Variants in ABCA13 observed in about 807,000 individuals in gnomAD.
ABCA13 encodes the protein ATP-binding cassette sub-family A member 13.
In ABCA13, 476 loss-of-function variants were observed where a neutral mutation model predicts 478.7. The ratio of observed to expected loss-of-function variants is 0.99; its 90% CI spans 0.92 to 1.07. The LOEUF is 1.07. Ranked by LOEUF, ABCA13 falls within the 50% of genes least tolerant of loss-of-function variation. The pLI is 0.00. For synonymous variants in ABCA13, 2,252 were observed against 2,158.9 expected, an observed-to-expected ratio of 1.04 and a Z score of -1.20; for missense variants, 6,060 against 5,910.6, an observed-to-expected ratio of 1.03 and a Z score of -0.83.
At position 48,279,238 on chromosome 7, in the gene ABCA13, G is replaced by T. The variant is rs1451575201; in HGVS notation, c.8044G>T (p.Val2682Phe). 6.3e-7 allele frequency: 1 copy of T among 1,589,338 alleles called. No individual in the cohort carries two copies. ...ACGGGAAGAAATTCTGGGTTGCTTAGTTCCTATAAATAACATCACCAACCA... is the reference window on the plus strand; with the variant it reads ...ACGGGAAGAAATTCTGGGTTGCTTATTTCCTATAAATAACATCACCAACCA... ...NLREEILGCL[V>F]PINNITNQMD... Residue 2682 changes from valine to phenylalanine, a missense_variant, in exon 18 of 62, where the codon GTT becomes TTT. Physicochemically the swap from Val to Phe is conservative, Grantham distance 50. Transcript: ENST00000435803.
intron 56 of ABCA13, among the ~76,000 whole-genome samples, chr7:48,586,413 A>G (rs536431682): frequency 6.6e-6 from 1 of 152,270 alleles, no homozygotes; most frequent in African/African-American, 2.4e-5. Flanking sequence ...AAATGAACAA[A>G]ATCACATCCT....
At chr7:48,443,308 A>G (rs1272979988) in intron 42 of ABCA13, among the ~76,000 whole-genome samples, 1 of 152,196 alleles carries the variant, frequency 6.6e-6, no homozygotes, top group Non-Finnish European at 1.5e-5. Context: ...GCAATGTGAG[A>G]GTTCGGCTGG....
intron 41 of ABCA13, among the ~76,000 whole-genome samples, chr7:48,420,741 T>C (rs1820630375): frequency 6.6e-6 from 1 of 151,642 alleles, no homozygotes; most frequent in African/African-American, 2.4e-5. Context: ...CTTTTTTTTT[T>C]TTTTTGACTT....
At chr7:48,454,535 GGCGCCGGGCTCTCCTATGCCC>G (rs1350205603) in intron 42 of ABCA13, among the ~76,000 whole-genome samples, 1 of 152,200 alleles carries the variant, frequency 6.6e-6, no homozygotes, top group Non-Finnish European at 1.5e-5. Context: ...GCAGTGGGCA[GGCGCCGGGCTCTCCTATGCCC>G]TGCGGGGAAG....
intron 27 of ABCA13, among the ~76,000 whole-genome samples, chr7:48,328,985 A>G (rs1804766261): frequency 6.6e-6 from 1 of 152,182 alleles, no homozygotes; most frequent in African/African-American, 2.4e-5. Flanking sequence ...TATCAATACT[A>G]CAAAGACAGC....
chr7:48,367,898 A>G lies in ABCA13; in HGVS notation c.10793A>G (p.Gln3598Arg), dbSNP rs778723123. 1.9e-6 allele frequency: 3 copies of G among 1,569,022 alleles called. No individual in the cohort carries two copies. In the East Asian group the frequency reaches 7.0e-5, roughly 37 times the overall value. ...VRKLVYEQEI[Q>R]IEEYMRMMGV... ...AAGTTGGTGTATGAGCAGGAGATACAGATAGAAGAGGTAAATATCCTTAAA... is the reference window on the plus strand; with the variant it reads ...AAGTTGGTGTATGAGCAGGAGATACGGATAGAAGAGGTAAATATCCTTAAA... The change falls in exon 32 of 62, where the codon CAG becomes CGG. Residue 3598 changes from glutamine to arginine, a missense_variant. By Grantham distance (43) the Gln-to-Arg change is conservative. Around this residue, in one of 3 missense-constraint regions of ABCA13, gnomAD observed 4,423 missense variants for 4,309.1 expected, o/e 1.03. Coordinates refer to ENST00000435803, the MANE Select transcript of ABCA13 (RefSeq NM_152701.5).
intron 56 of ABCA13, among the ~76,000 whole-genome samples, 186 bp from the exon 57 acceptor site, chr7:48,586,965 ACTC>A (rs1409132713): frequency 7.3e-5 from 11 of 151,420 alleles, no homozygotes; most frequent in East Asian, 3.9e-4. Flanking sequence ...GCTGCAGAAA[ACTC>A]CCACCTGTTC....
intron 59 of ABCA13, 130 bp from the exon 60 acceptor site, chr7:48,643,158 G>A: frequency 1.7e-6 from 1 of 605,514 alleles, no homozygotes; most frequent in Non-Finnish European, 2.9e-6. Flanking sequence ...GTCTTATATT[G>A]AGAATCCAAA....
chr7:48,494,231 A>G (rs1216264074), intron 48 of ABCA13, among the ~76,000 whole-genome samples: 1 of 152,176 alleles, frequency 6.6e-6, no homozygotes, highest in Non-Finnish European at 1.5e-5. Flanking sequence ...AGTGGATGAC[A>G]TGCATGGTAG....
chr7:48,425,184 A>T (rs1821238882), intron 41 of ABCA13, among the ~76,000 whole-genome samples: 1 of 152,044 alleles, frequency 6.6e-6, no homozygotes. Context: ...TGTGCATTCA[A>T]ACATGTGCAT....
chr7:48,273,271 C>T lies in ABCA13; in HGVS notation c.3605C>T (p.Thr1202Ile), dbSNP rs1484184530. The T allele has an allele frequency of 1.2e-6, 2 of 1,613,660 alleles. No homozygotes were observed. Among genetic ancestry groups the T allele is most frequent in the Non-Finnish European group, 1.7e-6 (2 of 1,179,752 alleles). ...AAAAGCTGCCAGGGTATACTTCCCA[C>T]CCATAATGTTGCTAGACTCATATTA... is the stretch of plus-strand genomic sequence containing the variant. Reference protein sequence around the residue: ...VSKSCQGILPTHNVARLILNL... With the variant: ...VSKSCQGILPIHNVARLILNL... The change falls in exon 17 of 62, where the codon ACC (threonine) becomes ATC (isoleucine). Residue 1202 changes from threonine to isoleucine, a missense_variant. Thr to Ile is a moderately conservative substitution (Grantham distance 89, BLOSUM62 -1). Coordinates refer to ENST00000435803, the MANE Select transcript of ABCA13 (RefSeq NM_152701.5).
chr7:48,426,599 G>T (rs186992766), intron 41 of ABCA13, among the ~76,000 whole-genome samples: 1 of 152,188 alleles, frequency 6.6e-6, no homozygotes, highest in African/African-American at 2.4e-5. Flanking sequence ...GGACAGTGAC[G>T]CTGGCCCAGC....
At position 48,281,483 on chromosome 7, in the gene ABCA13, A is replaced by G. The variant is rs1170390285; in HGVS notation, c.8836+31A>G. 5 of 1,551,438 alleles carry G rather than the reference A, an allele frequency of 3.2e-6. 1 individual carries two copies. The South Asian group carries it at 5.9e-5, about 18-fold the overall frequency. On this transcript the variant is annotated intron_variant, in intron 19 of 61. Transcript: ENST00000435803. The stretch of plus-strand genomic sequence containing the variant: ...CTGCTCATATAACAAGTGCTCTGCA[A>G]TTGCCCTGTGCCAGTTTTCAGAACT...
At chr7:48,483,622 C>G (rs916753435) in intron 47 of ABCA13, among the ~76,000 whole-genome samples, 14 of 152,134 alleles carry the variant, frequency 9.2e-5, no homozygotes, top group African/African-American at 2.9e-4. Context: ...CAGGACTATA[C>G]CTGTGAATTA....
intron 31 of ABCA13, among the ~76,000 whole-genome samples, chr7:48,366,491 G>C (rs1044589948): frequency 6.6e-6 from 1 of 151,974 alleles, no homozygotes; most frequent in African/African-American, 2.4e-5. Flanking sequence ...CCCGAGACTG[G>C]GTAGTCTGTG....
At chr7:48,253,759 C>T (rs925173881) in intron 15 of ABCA13, among the ~76,000 whole-genome samples, 3 of 152,230 alleles carry the variant, frequency 2.0e-5, no homozygotes, top group Admixed American at 1.3e-4. Context: ...GCTGGGATTA[C>T]AGGCATGAGC....
intron 39 of ABCA13, among the ~76,000 whole-genome samples, chr7:48,407,565 C>G (rs1425970560): frequency 1.3e-5 from 2 of 150,516 alleles, no homozygotes; most frequent in Non-Finnish European, 3.0e-5. Context: ...AGTATAACAA[C>G]TTTTTTTTTG....
At chr7:48,230,748 C>A (rs1348845224) in intron 7 of ABCA13, among the ~76,000 whole-genome samples, 42 of 146,520 alleles carry the variant, frequency 2.9e-4, no homozygotes, top group African/African-American at 1.0e-3. Context: ...TCCATCCATC[C>A]GTCCATCCAT....
intron 24 of ABCA13, among the ~76,000 whole-genome samples, 187 bp downstream of exon 24, chr7:48,310,328 GT>G (rs1436346797): frequency 6.6e-6 from 1 of 152,168 alleles, no homozygotes; most frequent in Non-Finnish European, 1.5e-5. Context: ...AGACTTTGTT[GT>G]AATAAAGGGA....
Sources: allele counts gnomAD v4.1 joint callset (sites outside exome capture counted in the v4.1 genomes callset), GRCh38; gene constraint gnomAD v4.1.1; regional missense constraint gnomAD v4.1.1; transcripts MANE v1.5; gene names NCBI Gene and HGNC (gene_info 2026-07-23, HGNC 2026-07-21).